FCHSD2: variants seen among roughly 807,000 people sequenced by gnomAD.
FCHSD2 encodes F-BAR and double SH3 domains protein 2.
A neutral mutation model predicts 108.1 loss-of-function variants in FCHSD2; 38 were observed. The observed-to-expected ratio is 0.35, with a 90% confidence interval of 0.27 to 0.46. The LOEUF is 0.46. FCHSD2 is among the 20% of genes least tolerant of loss of function. The probability of loss-of-function intolerance (pLI) is 1.00; values close to 1 mark genes in which losing one functional copy is unlikely to be tolerated. For synonymous variants in FCHSD2, 279 were observed against 314.7 expected (o/e 0.89, Z 1.20); for missense variants, 751 against 897.8 (o/e 0.84, Z 2.09).
At chr11:72,985,727 T>C (rs1857298441) in intron 6 of FCHSD2, among the ~76,000 whole-genome samples, 1 of 152,188 alleles carries the variant, frequency 6.6e-6, no homozygotes, top group African/African-American at 2.4e-5. Flanking sequence ...CTCCCACTCT[T>C]GGGTTCTTAT....
intron 2 of FCHSD2, among the ~76,000 whole-genome samples, chr11:73,102,600 T>C (rs568609871): frequency 1.1e-4 from 16 of 152,234 alleles, no homozygotes; most frequent in Admixed American, 2.0e-4. Flanking sequence ...ATAACAGTAT[T>C]ACAAGCTGAG....
At chr11:72,881,417 G>C (rs529427160) in intron 12 of FCHSD2, among the ~76,000 whole-genome samples, 1 of 152,304 alleles carries the variant, frequency 6.6e-6, no homozygotes, top group Admixed American at 6.5e-5. Context: ...AGAAAAAAGG[G>C]AACTGTTATA....
At chr11:73,006,288 A>G (rs2135423362) in intron 4 of FCHSD2, among the ~76,000 whole-genome samples, 1 of 152,278 alleles carries the variant, frequency 6.6e-6, no homozygotes, top group Non-Finnish European at 1.5e-5. Flanking sequence ...TTGGATATTT[A>G]GTAGGCACCT....
chr11:72,882,723 TAGAG>T (rs749225080), intron 12 of FCHSD2, among the ~76,000 whole-genome samples: 4 of 152,112 alleles, frequency 2.6e-5, no homozygotes, highest in African/African-American at 4.8e-5. Context: ...CCTAAATAAA[TAGAG>T]AGACACATCA....
intron 3 of FCHSD2, among the ~76,000 whole-genome samples, chr11:73,068,692 A>C (rs985244087): frequency 6.6e-6 from 1 of 151,782 alleles, no homozygotes; most frequent in Non-Finnish European, 1.5e-5. Context: ...ACTTCAGGCC[A>C]GGTGCACTGG....
At chr11:72,954,259 G>C (rs1856672122) in intron 8 of FCHSD2, among the ~76,000 whole-genome samples, 1 of 139,658 alleles carries the variant, frequency 7.2e-6, no homozygotes, top group Non-Finnish European at 1.5e-5. Context: ...AGGCTGGAGT[G>C]CAGTGGCACA....
chr11:73,134,834 A>G (rs779859010), intron 2 of FCHSD2, among the ~76,000 whole-genome samples: 46 of 151,286 alleles, frequency 3.0e-4, no homozygotes, highest in Non-Finnish European at 5.2e-4. Context: ...TCTGGGGGGG[A>G]GTTTGTTTTT....
chr11:72,910,401 G>A (rs1285172708), intron 9 of FCHSD2, among the ~76,000 whole-genome samples: 2 of 152,166 alleles, frequency 1.3e-5, no homozygotes, highest in African/African-American at 2.4e-5. Context: ...GGGAAATGTG[G>A]GGAAAAGAGA....
chr11:72,843,375 A>G, intron 15 of FCHSD2, 47 bp from the exon 16 acceptor site: 8 of 1,610,518 alleles, frequency 5.0e-6, no homozygotes, highest in Non-Finnish European at 6.8e-6. Context: ...CACAATTTAG[A>G]CAGGGCACAA....
intron 3 of FCHSD2, 95 bp from the exon 4 acceptor site, chr11:73,015,980 C>T (rs1591484114): frequency 2.9e-6 from 2 of 700,836 alleles, no homozygotes; most frequent in Non-Finnish European, 4.7e-6. Flanking sequence ...CTCATTTTTC[C>T]AAATGTAAAT....
chr11:72,939,490 G>A (rs1034704073), intron 8 of FCHSD2, among the ~76,000 whole-genome samples: 2 of 151,640 alleles, frequency 1.3e-5, no homozygotes, highest in Non-Finnish European at 2.9e-5. Context: ...GATTTATTCA[G>A]ATGTTAAAAG....
At chr11:72,843,391 A>G in intron 15 of FCHSD2, 58 bp downstream of exon 15, 1 of 1,608,224 alleles carries the variant, frequency 6.2e-7, no homozygotes, top group Non-Finnish European at 8.5e-7. Flanking sequence ...CACAACAAAG[A>G]CCAAAACAAA....
At chr11:72,922,559 T>C (rs1452031131) in intron 8 of FCHSD2, among the ~76,000 whole-genome samples, 2 of 151,704 alleles carry the variant, frequency 1.3e-5, no homozygotes, top group East Asian at 1.9e-4. Context: ...GGAGAGAAAA[T>C]CACTGAACAT....
intron 12 of FCHSD2, among the ~76,000 whole-genome samples, chr11:72,881,245 C>A (rs543702278): frequency 1.5e-4 from 23 of 152,254 alleles, no homozygotes; most frequent in African/African-American, 5.5e-4. Flanking sequence ...CAAAAGAAGA[C>A]ATAATGGCCA....
intron 8 of FCHSD2, among the ~76,000 whole-genome samples, chr11:72,959,325 G>C (rs1303581003): frequency 7.6e-6 from 1 of 131,794 alleles, no homozygotes; most frequent in African/African-American, 2.8e-5. Context: ...CACCCCCCAG[G>C]TTCACACCAT....
intron 8 of FCHSD2, among the ~76,000 whole-genome samples, chr11:72,950,815 G>C (rs1350600898): frequency 7.2e-5 from 11 of 152,166 alleles, no homozygotes; most frequent in Non-Finnish European, 1.6e-4. Flanking sequence ...ACTATTTGTT[G>C]TTGTCCGCCA....
chr11:72,900,373 T>G, intron 10 of FCHSD2: 1 of 1,379,302 alleles, frequency 7.3e-7, no homozygotes. Context: ...TAGCATAGAG[T>G]TAGAAATTTA....
In FCHSD2 at chr11:72,902,640, T is replaced by C; in HGVS notation, c.829-2A>G. The C allele has an allele frequency of 1.3e-6, 2 of 1,553,376 alleles. No homozygotes were observed. Among genetic ancestry groups the C allele is most frequent in the South Asian group, 1.2e-5 (1 of 83,860 alleles). ...CTGAAGATTGTAGTCCCGGACCACC[T>C]AAAGAGAAAATAAAATATCTTTAGG... is the stretch of plus-strand genomic sequence containing the variant. On this transcript the variant is annotated splice_acceptor_variant, in intron 9 of 19. Transcript: ENST00000409418. LOFTEE classifies it high-confidence loss of function.
intron 2 of FCHSD2, among the ~76,000 whole-genome samples, chr11:73,134,465 G>C (rs1325107661): frequency 6.6e-6 from 1 of 151,364 alleles, no homozygotes; most frequent in African/African-American, 2.4e-5. Flanking sequence ...GCGAGACCCT[G>C]TCTCAAAAAA....
Sources: allele counts gnomAD v4.1 joint callset (sites outside exome capture counted in the v4.1 genomes callset), GRCh38; gene constraint gnomAD v4.1.1; transcripts MANE v1.5; gene names NCBI Gene and HGNC (gene_info 2026-07-23, HGNC 2026-07-21).